Variants in SLCO1B3 observed in about 807,000 individuals in gnomAD.
SLCO1B3 encodes the protein liver-specific organic anion transporter 2.
Under a neutral mutation model 71.8 loss-of-function variants are expected in SLCO1B3, and 72 were observed. That is an observed-to-expected ratio of 1.00 (90% confidence interval 0.83 to 1.22). The LOEUF (loss-of-function observed/expected upper bound fraction) is 1.22. Among genes scored for constraint, SLCO1B3 ranks in the 50% most tolerant of loss-of-function variants. The pLI, the probability that SLCO1B3 is intolerant of heterozygous loss-of-function variation, is 0.00. For missense variants in SLCO1B3, 911 were observed against 819.7 expected, an observed-to-expected ratio of 1.11 and a Z score of -1.36; for synonymous variants, 298 against 278.4, an observed-to-expected ratio of 1.07 and a Z score of -0.70.
At chr12:20,833,968 TATAC>T (rs1258014506) in intron 3 of SLCO1B3, among the ~76,000 whole-genome samples, 14 of 130,928 alleles carry the variant, frequency 1.1e-4, no homozygotes, top group African/African-American at 1.8e-4. Flanking sequence ...TGTATATGTA[TATAC>T]ATACATAGTA....
chr12:20,858,360 G>A (rs1865184477), intron 4 of SLCO1B3, 79 bp from the exon 5 acceptor site: 3 of 964,482 alleles, frequency 3.1e-6, no homozygotes, highest in Non-Finnish European at 4.8e-6. Flanking sequence ...GGGCATATTT[G>A]CATTCATTTG....
Position 20,871,597 on chromosome 12 carries a change from A to G in SLCO1B3, c.728-3638A>G, listed in dbSNP as rs149417843. On this transcript the variant is annotated intron_variant, in intron 8 of 15. Coordinates refer to ENST00000381545, the MANE Select transcript of SLCO1B3 (RefSeq NM_019844.4). ...TGAAGGGACTTTGGCCACAACCTCA[A>G]TAATACTGTGGTTTTTACAGTCTTA... Among the ~76,000 whole-genome samples the G allele has an allele frequency of 2.7e-3, 405 of 152,276 alleles. 4 individuals carry two copies. Among genetic ancestry groups the G allele is most frequent in the African/African-American group, 9.2e-3 (382 of 41,558 alleles).
At chr12:20,901,143 A>G (rs1866123477) in intron 14 of SLCO1B3, among the ~76,000 whole-genome samples, 1 of 152,210 alleles carries the variant, frequency 6.6e-6, no homozygotes, top group Admixed American at 6.5e-5. Context: ...AGAAGAGTAG[A>G]TCAAATACAT....
intron 15 of SLCO1B3, among the ~76,000 whole-genome samples, chr12:20,903,073 C>CAAAAAAAAAAAA (rs55777703): frequency 2.3e-5 from 3 of 128,516 alleles, no homozygotes; most frequent in Non-Finnish European, 4.9e-5. Context: ...GATTCCATCT[C>CAAAAAAAAAAAA]AAAAAAAAAA....
chr12:20,910,816 A>T (rs1384049829), intron 15 of SLCO1B3, among the ~76,000 whole-genome samples: 1 of 152,144 alleles, frequency 6.6e-6, no homozygotes, highest in African/African-American at 2.4e-5. Context: ...ATATCCTGCA[A>T]ACTTGTTATA....
chr12:20,860,847 C>A (rs1182174035), intron 5 of SLCO1B3, among the ~76,000 whole-genome samples, 170 bp from the exon 6 acceptor site: 1 of 151,990 alleles, frequency 6.6e-6, no homozygotes, highest in Non-Finnish European at 1.5e-5. Context: ...CCCATTTCAC[C>A]CCCTCTCATC....
chr12:20,827,733 A>G (rs1349969656), intron 3 of SLCO1B3, among the ~76,000 whole-genome samples: 1 of 151,956 alleles, frequency 6.6e-6, no homozygotes, highest in Non-Finnish European at 1.5e-5. Context: ...CACCATGCCA[A>G]TCTAATTTTT....
chr12:20,829,414 CCTT>C (rs376672134), intron 3 of SLCO1B3, among the ~76,000 whole-genome samples: 129 of 152,302 alleles, frequency 8.5e-4, no homozygotes, highest in African/African-American at 3.0e-3. Flanking sequence ...TTGTTGGTCT[CCTT>C]CATCATCATG....
At chr12:20,879,205 C>CTCT (rs2045084159) in intron 10 of SLCO1B3, among the ~76,000 whole-genome samples, 1 of 95,208 alleles carries the variant, frequency 1.1e-5, no homozygotes, top group Non-Finnish European at 2.0e-5. Flanking sequence ...ACCCTTCTCT[C>CTCT]TTTTTTTTTT....
At chr12:20,915,832 T>C (rs747442809) in intron 15 of SLCO1B3, among the ~76,000 whole-genome samples, 172 bp from the exon 16 acceptor site, 8 of 152,274 alleles carry the variant, frequency 5.3e-5, no homozygotes, top group Non-Finnish European at 1.2e-4. Context: ...TTTTTAATAA[T>C]AGAAAAATAT....
At position 20,887,914 on chromosome 12, in the gene SLCO1B3, T is replaced by TA. The variant is rs574220309; in HGVS notation, c.1682+4313dup. 3.9e-4 allele frequency among the ~76,000 whole-genome samples: 60 copies of TA among 152,018 alleles called. No individual in the cohort carries two copies. The East Asian group carries it at 9.5e-3, about 24-fold the overall frequency. On this transcript the variant is annotated intron_variant, in intron 13 of 15. Coordinates refer to ENST00000381545, the MANE Select transcript of SLCO1B3 (RefSeq NM_019844.4). ...GTTAATTTTTATATATGGTGAGAGA[T>TA]ACGGGTTCAATTTTATGTCTGTGTA...
chr12:20,886,340 G>A (rs1591781619), intron 13 of SLCO1B3, among the ~76,000 whole-genome samples: 1 of 152,010 alleles, frequency 6.6e-6, no homozygotes, highest in South Asian at 2.1e-4. Flanking sequence ...TCTAGAGTTG[G>A]CAATATACAG....
intron 15 of SLCO1B3, among the ~76,000 whole-genome samples, chr12:20,909,920 C>A (rs771868948): frequency 6.6e-6 from 1 of 152,130 alleles, no homozygotes; most frequent in Non-Finnish European, 1.5e-5. Flanking sequence ...TTGAACCTGT[C>A]TTCCAAACCT....
chr12:20,853,926 C>T (rs1413438730), intron 3 of SLCO1B3, among the ~76,000 whole-genome samples: 3 of 151,686 alleles, frequency 2.0e-5, no homozygotes, highest in Admixed American at 6.6e-5. Context: ...TTCATTTTTC[C>T]TCAGATATTT....
chr12:20,859,085 T>C (rs1432431731), intron 5 of SLCO1B3: 5 of 152,376 alleles, frequency 3.3e-5, no homozygotes, highest in Non-Finnish European at 7.3e-5. Flanking sequence ...AGTCCAAGGA[T>C]GATATGATTC....
In SLCO1B3 at chr12:20,862,392, A is replaced by G. The variant is rs771285244; in HGVS notation, c.482-20A>G. The G allele has an allele frequency of 6.3e-7, 1 of 1,583,888 alleles. No individual in the cohort carries two copies. Among genetic ancestry groups the G allele is most frequent in the Non-Finnish European group, 8.5e-7 (1 of 1,170,294 alleles). On this transcript the variant is annotated intron_variant, in intron 6 of 15. Transcript: ENST00000381545. ...TGTTAAAATTAATGTTTAAAGTAAA[A>G]CACTCTCTTGTCTCGATAGATTGTG...
rs148419643 is a variant in SLCO1B3 at position 20,867,104 on chromosome 12, A to T, written c.727+4250A>T. Among the ~76,000 whole-genome samples the T allele has an allele frequency of 4.4e-3, 665 of 152,194 alleles. 6 individuals are homozygous for T. The highest frequency in any genetic ancestry group is 0.015 in the African/African-American group (607 of 41,548). On this transcript the variant is annotated intron_variant, in intron 8 of 15. Coordinates refer to ENST00000381545, the MANE Select transcript of SLCO1B3 (RefSeq NM_019844.4). ...CCAGAACCTCATGAGTTGAATACTG[A>T]AGGTGCTGAAGTGGTCTGCTTTACC...
At chr12:20,915,847 T>A (rs1163783445) in intron 15 of SLCO1B3, among the ~76,000 whole-genome samples, 157 bp from the exon 16 acceptor site, 1 of 152,170 alleles carries the variant, frequency 6.6e-6, no homozygotes, top group Non-Finnish European at 1.5e-5. Context: ...AAATATCTTA[T>A]GCCCCCAATG....
chr12:20,868,138 C>A (rs190709697), intron 8 of SLCO1B3, among the ~76,000 whole-genome samples: 1 of 152,156 alleles, frequency 6.6e-6, no homozygotes, highest in African/African-American at 2.4e-5. Context: ...TATATGTTGA[C>A]TGTTTATGCT....
Sources: gnomAD v4.1 joint callset for allele counts (sites outside exome capture counted in the v4.1 genomes callset) on GRCh38, gnomAD v4.1.1 for gene constraint, MANE v1.5 for transcripts, NCBI Gene and HGNC (gene_info 2026-07-23, HGNC 2026-07-21) for gene names.